COL8A1: variants seen among roughly 807,000 people sequenced by gnomAD.
COL8A1 encodes collagen alpha-1(VIII) chain.
In COL8A1, 21 loss-of-function variants were observed where a neutral mutation model predicts 42.7. The observed-to-expected ratio is 0.49, with a 90% CI of 0.35 to 0.71. The LOEUF (loss-of-function observed/expected upper bound fraction) is 0.71, where lower values mean the gene tolerates loss of function less well. Among genes scored for constraint, COL8A1 ranks in the 30% least tolerant of loss-of-function variants. The pLI, the probability that COL8A1 is intolerant of heterozygous loss-of-function variation, is 0.01. For missense variants in COL8A1, 788 were observed against 962.4 expected, an observed-to-expected ratio of 0.82 and a Z score of 2.40; for synonymous variants, 367 against 369.1, an observed-to-expected ratio of 0.99 and a Z score of 0.06.
chr3:99,688,470 C>A (rs544885676), intron 1 of COL8A1, among the ~76,000 whole-genome samples: 2 of 152,262 alleles, frequency 1.3e-5, no homozygotes, highest in African/African-American at 2.4e-5. Context: ...GACTTTTACC[C>A]TCCCTCTATA....
At chr3:99,764,739 G>A (rs574487264) in intron 2 of COL8A1, among the ~76,000 whole-genome samples, 199 of 117,160 alleles carry the variant, frequency 1.7e-3, no homozygotes, top group Non-Finnish European at 2.8e-3. Context: ...TCCCTCTGTC[G>A]CCCAGGCCGG....
intron 1 of COL8A1, among the ~76,000 whole-genome samples, chr3:99,737,461 T>G (rs1302658912): frequency 5.3e-5 from 8 of 152,134 alleles, no homozygotes; most frequent in African/African-American, 1.2e-4. Flanking sequence ...GTCTGTAAAG[T>G]ATTTTATTTC....
At chr3:99,734,415 C>T (rs1308655061) in intron 1 of COL8A1, among the ~76,000 whole-genome samples, 1 of 149,088 alleles carries the variant, frequency 6.7e-6, no homozygotes, top group South Asian at 2.1e-4. Context: ...GAATCCTTTC[C>T]CCATTGCTTG....
At chr3:99,686,853 T>A (rs528234638) in intron 1 of COL8A1, among the ~76,000 whole-genome samples, 84 of 152,110 alleles carry the variant, frequency 5.5e-4, no homozygotes, top group Non-Finnish European at 9.4e-4. Flanking sequence ...TTTTTGTTTG[T>A]TTGTTTTTGG....
chr3:99,658,363 C>T (rs1938095875), intron 1 of COL8A1, among the ~76,000 whole-genome samples: 1 of 152,110 alleles, frequency 6.6e-6, no homozygotes, highest in Non-Finnish European at 1.5e-5. Flanking sequence ...CCCAGAACAC[C>T]CTGCCTTCTC....
At chr3:99,668,992 C>T (rs984888121) in intron 1 of COL8A1, among the ~76,000 whole-genome samples, 13 of 151,630 alleles carry the variant, frequency 8.6e-5, no homozygotes, top group Non-Finnish European at 1.8e-4. Context: ...TAACTGGATC[C>T]TCTGCTTCAG....
At chr3:99,639,973 C>T (rs969122919) in intron 1 of COL8A1, among the ~76,000 whole-genome samples, 3 of 152,244 alleles carry the variant, frequency 2.0e-5, no homozygotes, top group African/African-American at 7.2e-5. Context: ...GAAATTCTCC[C>T]CTATTAAAGA....
At chr3:99,722,626 T>C (rs2107371326) in intron 1 of COL8A1, among the ~76,000 whole-genome samples, 1 of 152,252 alleles carries the variant, frequency 6.6e-6, no homozygotes, top group African/African-American at 2.4e-5. Flanking sequence ...AACATATTCA[T>C]AGAATTGTTG....
chr3:99,794,778 G>T lies in COL8A1; in HGVS notation c.877G>T (p.Gly293Ter). 6.3e-7 allele frequency: 1 copy of T among 1,599,380 alleles called. No homozygotes were observed. The highest frequency in any genetic ancestry group is 8.5e-7 in the Non-Finnish European group (1 of 1,174,742). The part of the protein sequence containing the change: ...QGPLGKPGAP[G>*]EPGPQGPIGV... Reference sequence around the variant, plus strand: ...CCCCCTGGGAAAGCCAGGGGCTCCAGGAGAACCTGGGCCACAAGGCCCTAT... The same window carrying T: ...CCCCCTGGGAAAGCCAGGGGCTCCATGAGAACCTGGGCCACAAGGCCCTAT... Residue 293 changes from glycine to a stop codon, truncating the protein, a stop_gained, in exon 4 of 4, where the codon GGA becomes TGA. Coordinates refer to ENST00000652472, the MANE Select transcript of COL8A1 (RefSeq NM_020351.4). LOFTEE classifies it high-confidence loss of function. The surrounding 1 kb of genome is among the most constrained non-coding windows in gnomAD (Gnocchi z 4.3).
chr3:99,718,970 C>T (rs755060153), intron 1 of COL8A1, among the ~76,000 whole-genome samples: 7 of 151,912 alleles, frequency 4.6e-5, no homozygotes, highest in South Asian at 4.2e-4. Flanking sequence ...ATAATAAAAA[C>T]GTTAAGAGTC....
At chr3:99,789,758 T>A (rs1941964474) in intron 2 of COL8A1, among the ~76,000 whole-genome samples, 1 of 152,208 alleles carries the variant, frequency 6.6e-6, no homozygotes, top group South Asian at 2.1e-4. Flanking sequence ...AACATCTCCC[T>A]CTTATTCATA....
intron 2 of COL8A1, among the ~76,000 whole-genome samples, chr3:99,786,226 C>T (rs1351665521): frequency 6.6e-6 from 1 of 152,104 alleles, no homozygotes; most frequent in Non-Finnish European, 1.5e-5. Context: ...ATTATTGAAC[C>T]CTTTATCCTG....
chr3:99,785,896 C>G (rs1188356565), intron 2 of COL8A1, among the ~76,000 whole-genome samples: 5 of 151,968 alleles, frequency 3.3e-5, no homozygotes, highest in Admixed American at 2.6e-4. Context: ...TTATGACAAC[C>G]AGAGAAAACT....
At position 99,795,970 on chromosome 3, in the gene COL8A1, A is replaced by G. The variant is rs148059974; in HGVS notation, c.2069A>G (p.Asp690Gly). Reference sequence around the variant, plus strand: ...AACGAGCCCGTGATGTACACGTACGACGAGTACAAAAAGGGCTTCCTGGAC... The same window carrying G: ...AACGAGCCCGTGATGTACACGTACGGCGAGTACAAAAAGGGCTTCCTGGAC... ...KNNEPVMYTYDEYKKGFLDQA... is the reference protein window; with the variant it reads ...KNNEPVMYTYGEYKKGFLDQA... Residue 690 changes from aspartate (D) to glycine (G), a missense_variant, in exon 4 of 4, where the codon GAC (aspartate) becomes GGC (glycine). Physicochemically the swap from Asp to Gly is moderately conservative, Grantham distance 94. Coordinates refer to ENST00000652472, the MANE Select transcript of COL8A1 (RefSeq NM_020351.4). The G allele has an allele frequency of 3.1e-6, 5 of 1,613,986 alleles. No individual in the cohort carries two copies. In the African/African-American group the frequency reaches 6.7e-5, roughly 22 times the overall value.
At chr3:99,684,151 C>T (rs891451629) in intron 1 of COL8A1, among the ~76,000 whole-genome samples, 2 of 152,156 alleles carry the variant, frequency 1.3e-5, no homozygotes, top group Admixed American at 1.3e-4. Context: ...GGAAGGCCAC[C>T]ATGCCACCGA....
intron 2 of COL8A1, among the ~76,000 whole-genome samples, chr3:99,781,265 A>G (rs1421376876): frequency 2.0e-5 from 3 of 152,182 alleles, no homozygotes; most frequent in Non-Finnish European, 4.4e-5. Context: ...CAACTTTAGT[A>G]GGATTGCCAT....
chr3:99,651,290 C>T (rs1030206256), intron 1 of COL8A1, among the ~76,000 whole-genome samples: 2 of 152,230 alleles, frequency 1.3e-5, no homozygotes, highest in Admixed American at 6.5e-5. Flanking sequence ...ACCATTTCTA[C>T]AGAGACAGAC....
intron 2 of COL8A1, among the ~76,000 whole-genome samples, chr3:99,786,149 A>G (rs1941891357): frequency 1.3e-5 from 2 of 152,142 alleles, no homozygotes; most frequent in Admixed American, 1.3e-4. Flanking sequence ...TCTCTATCCA[A>G]AATTTACTTC....
chr3:99,774,657 TC>T (rs1941657109), intron 2 of COL8A1, among the ~76,000 whole-genome samples: 1 of 152,054 alleles, frequency 6.6e-6, no homozygotes. Context: ...GTTTAATGTT[TC>T]CCTGTTACTC....
Sources: allele counts gnomAD v4.1 joint callset (sites outside exome capture counted in the v4.1 genomes callset), GRCh38; gene constraint gnomAD v4.1.1; non-coding constraint Gnocchi (gnomAD v3.1); transcripts MANE v1.5; gene names NCBI Gene and HGNC (gene_info 2026-07-23, HGNC 2026-07-21).